The following DPYSL4 variants were observed in gnomAD, a reference collection of about 807,000 sequenced individuals.
The protein encoded by DPYSL4 is dihydropyrimidinase like 4.
Under a neutral mutation model 63.4 loss-of-function variants are expected in DPYSL4, and 43 were observed. The ratio of observed to expected loss-of-function variants is 0.68; its 90% CI spans 0.53 to 0.88. The LOEUF (loss-of-function observed/expected upper bound fraction) is 0.88, where lower values mean the gene tolerates loss of function less well. DPYSL4 is among the 40% of genes least tolerant of loss of function. The probability of loss-of-function intolerance (pLI) is 0.00; values close to 1 mark genes in which losing one functional copy is unlikely to be tolerated. For missense variants in DPYSL4, 733 were observed against 819.5 expected, an observed-to-expected ratio of 0.89 and a Z score of 1.29; for synonymous variants, 353 against 331.7, an observed-to-expected ratio of 1.06 and a Z score of -0.70.
In DPYSL4 at chr10:132,200,287, C is replaced by A. The variant is rs949889017; in HGVS notation, c.812-69C>A. On this transcript the variant is annotated intron_variant, in intron 8 of 13. Transcript: ENST00000338492. The stretch of plus-strand genomic sequence containing the variant: ...GAGGGGCAGTCGTGGGTGTCAGCAG[C>A]AGCAGTTCTCGGGGCCCCAGGGGGT... 7.0e-6 allele frequency: 11 copies of A among 1,576,888 alleles called. No homozygotes were observed. In the Admixed American group the frequency reaches 1.4e-4, roughly 19 times the overall value.
At chr10:132,197,724 C>T (rs149404773) in intron 6 of DPYSL4, among the ~76,000 whole-genome samples, 1,543 of 152,312 alleles carry the variant, frequency 0.01, 21 homozygotes, top group African/African-American at 0.034. Context: ...CTTCGTGGGA[C>T]GGGACGGGCT....
intron 1 of DPYSL4, among the ~76,000 whole-genome samples, chr10:132,190,189 C>T (rs1371322570): frequency 6.6e-6 from 1 of 152,268 alleles, no homozygotes; most frequent in Non-Finnish European, 1.5e-5. Context: ...TTTTTGCTGC[C>T]GTTGGTCTCC....
rs2062004380 is a variant in DPYSL4 at position 132,200,832 on chromosome 10, T to G, written c.969-10T>G. ...AAGGCCAGGACCCTCTGACCCTGGC[T>G]TGTTTCCAGCGGGGACCTCCAGGTG... is the stretch of plus-strand genomic sequence containing the variant. On this transcript the variant is annotated splice_polypyrimidine_tract_variant and intron_variant, in intron 9 of 13. Transcript: ENST00000338492. 6.2e-7 allele frequency: 1 copy of G among 1,611,172 alleles called. No individual in the cohort carries two copies. Among genetic ancestry groups the G allele is most frequent in the African/African-American group, 1.3e-5 (1 of 74,876 alleles).
At position 132,190,829 on chromosome 10, in the gene DPYSL4, TG is replaced by T; in HGVS notation, c.123del (p.Ile42Ter). 6.2e-7 allele frequency: 1 copy of T among 1,613,018 alleles called. No homozygotes were observed. Among genetic ancestry groups the T allele is most frequent in the Non-Finnish European group, 8.5e-7 (1 of 1,179,378 alleles). ...GCTGATGTGCACGTGGAAGATGGCTTGATAAAGTAAGTTTCCGCCGAAAATG... is the reference window on the plus strand; with the variant it reads ...GCTGATGTGCACGTGGAAGATGGCTTATAAAGTAAGTTTCCGCCGAAAATG... The part of the protein sequence containing the change: ...FYADVHVEDG[L>X]IKQIGENLIV... On this transcript the variant is annotated frameshift_variant, in exon 2 of 14. Coordinates refer to ENST00000338492, the MANE Select transcript of DPYSL4 (RefSeq NM_006426.3). LOFTEE classifies it high-confidence loss of function.
intron 10 of DPYSL4, 123 bp downstream of exon 10, chr10:132,201,106 G>T (rs75793964): frequency 0.013 from 17,398 of 1,389,958 alleles, 527 homozygotes; most frequent in African/African-American, 0.099. Flanking sequence ...GAGCACACGG[G>T]CTCCGGGGTG....
chr10:132,201,899 A>AC (rs757554819), intron 10 of DPYSL4, 47 bp from the exon 11 acceptor site: 2 of 1,573,528 alleles, frequency 1.3e-6, no homozygotes, highest in Admixed American at 1.8e-5. Context: ...CGCAAGCCTC[A>AC]CCCCAACCCC....
intron 4 of DPYSL4, among the ~76,000 whole-genome samples, chr10:132,196,449 G>A (rs897770451): frequency 2.6e-5 from 4 of 152,264 alleles, no homozygotes; most frequent in East Asian, 1.9e-4. Context: ...TGTGCTGGAC[G>A]GCCAGAATGC....
At chr10:132,197,237 A>T in intron 6 of DPYSL4, 136 bp downstream of exon 6, 1 of 771,422 alleles carries the variant, frequency 1.3e-6, no homozygotes, top group Non-Finnish European at 2.0e-6. Context: ...CAAAACCTTG[A>T]GGGAGGGTCA....
intron 1 of DPYSL4, among the ~76,000 whole-genome samples, chr10:132,187,529 C>G (rs986466286): frequency 6.6e-6 from 1 of 152,114 alleles, no homozygotes; most frequent in African/African-American, 2.4e-5. Context: ...TTTGTTGGCC[C>G]GGGCTGGTCC....
intron 9 of DPYSL4, 73 bp from the exon 10 acceptor site, chr10:132,200,769 A>G (rs2137520327): frequency 1.3e-6 from 2 of 1,560,394 alleles, no homozygotes; most frequent in East Asian, 2.3e-5. Flanking sequence ...TGTGCTGGCC[A>G]AGGGGGCTGG....
intron 1 of DPYSL4, among the ~76,000 whole-genome samples, chr10:132,187,342 C>A (rs1467598061): frequency 1.1e-4 from 2 of 18,900 alleles, no homozygotes; most frequent in Non-Finnish European, 1.4e-4. Context: ...CCCGGCCCGG[C>A]CCTGCCCGGC....
chr10:132,197,002 C>G lies in DPYSL4; in HGVS notation c.541-19C>G. 6.2e-7 allele frequency: 1 copy of G among 1,611,948 alleles called. No individual in the cohort carries two copies. Among genetic ancestry groups the G allele is most frequent in the Non-Finnish European group, 8.5e-7 (1 of 1,179,010 alleles). On this transcript the variant is annotated intron_variant, in intron 5 of 13. Coordinates refer to ENST00000338492, the MANE Select transcript of DPYSL4 (RefSeq NM_006426.3). ...TGCAGGCGCAGCCCCACCCAGGACG[C>G]CACCACTTCTCTTCCCAGATGTACG...
In DPYSL4 at chr10:132,205,245, G is replaced by A; in HGVS notation, c.*315G>A. 4.1e-6 allele frequency: 1 copy of A among 242,624 alleles called. No homozygotes were observed. The allele number at this position is 242,624 out of a possible 1,614,324, so 15.0% of individuals were successfully genotyped here. A position where few individuals can be genotyped will look rare whatever the true frequency, so the allele number is the denominator to read the frequency against. On this transcript the variant is annotated 3_prime_UTR_variant, in exon 14 of 14. Transcript: ENST00000338492. Reference sequence around the variant, plus strand: ...GGCCCAGCCTGGGGACAGGGAACCTGCCGGGCTCACAGTGTGGGAGCAGCT... The same window carrying A: ...GGCCCAGCCTGGGGACAGGGAACCTACCGGGCTCACAGTGTGGGAGCAGCT...
rs529545118 is a variant in DPYSL4 at position 132,198,865 on chromosome 10, G to A, written c.705G>A (p.Ala235=). 8.4e-5 allele frequency: 136 copies of A among 1,612,800 alleles called. No individual in the cohort carries two copies. The highest frequency in any genetic ancestry group is 1.6e-4 in the Middle Eastern group (1 of 6,080). ...LSHPEEVEAE[A]VYRAVTIAKQ... The stretch of plus-strand genomic sequence containing the variant: ...CTCGTCCCCAGGTGGAGGCTGAGGC[G>A]GTGTACCGAGCTGTCACCATCGCCA... The change falls in exon 8 of 14, where the codon GCG becomes GCA. Residue 235 remains alanine (A), a synonymous_variant. Transcript: ENST00000338492.
At position 132,201,981 on chromosome 10, in the gene DPYSL4, G is replaced by C. The variant is rs3736257; in HGVS notation, c.1146G>C (p.Ala382=). 2.9e-5 allele frequency: 46 copies of C among 1,613,054 alleles called. No individual in the cohort carries two copies. Among genetic ancestry groups the C allele is most frequent in the Admixed American group, 1.8e-4 (11 of 59,982 alleles). Residue 382 remains alanine (A), a synonymous_variant, in exon 11 of 14, where the codon GCG becomes GCC. Transcript: ENST00000338492. ...AGATGGACGAGAATGAGTTCGTCGC[G>C]GTGACCAGTACAAATGCTGCCAAAA... The part of the protein sequence containing the change: ...SGKMDENEFV[A]VTSTNAAKIF...
At chr10:132,201,621 C>T (rs1448265238) in intron 10 of DPYSL4, among the ~76,000 whole-genome samples, 1 of 152,248 alleles carries the variant, frequency 6.6e-6, no homozygotes, top group Non-Finnish European at 1.5e-5. Context: ...CTCAGGCGTT[C>T]TTACCCTGAG....
At chr10:132,197,801 G>C (rs1021131432) in intron 6 of DPYSL4, among the ~76,000 whole-genome samples, 2 of 152,216 alleles carry the variant, frequency 1.3e-5, no homozygotes, top group African/African-American at 4.8e-5. Context: ...GGGGTCCCCA[G>C]TGTCCTCGTC....
At chr10:132,200,287 C>T in intron 8 of DPYSL4, 69 bp from the exon 9 acceptor site, 1 of 1,577,010 alleles carries the variant, frequency 6.3e-7, no homozygotes, top group South Asian at 1.1e-5. Context: ...GTGTCAGCAG[C>T]AGCAGTTCTC....
rs759898480 is a variant in DPYSL4 at position 132,202,053 on chromosome 10, C to T, written c.1218C>T (p.Asp406=). The T allele has an allele frequency of 4.7e-5, 76 of 1,612,990 alleles. 1 individual carries two copies. The highest frequency in any genetic ancestry group is 5.5e-5 in the Non-Finnish European group (65 of 1,179,942). The change falls in exon 11 of 14, where the codon GAC becomes GAT. Residue 406 remains aspartate, a synonymous_variant. Transcript: ENST00000338492. ...AGGGGCGAGTGGCTGTGGGCTCTGA[C>T]GCTGACCTGGTCATATGGAACCCCA... ...PRKGRVAVGS[D]ADLVIWNPKA...
Sources: allele counts gnomAD v4.1 joint callset (sites outside exome capture counted in the v4.1 genomes callset), GRCh38; gene constraint gnomAD v4.1.1; transcripts MANE v1.5; gene names NCBI Gene and HGNC (gene_info 2026-07-23, HGNC 2026-07-21).